CDK5RAP1: variants seen among roughly 807,000 people sequenced by gnomAD.
The protein encoded by CDK5RAP1 is mitochondrial tRNA methylthiotransferase CDK5RAP1.
A neutral mutation model predicts 64.5 loss-of-function variants in CDK5RAP1; 62 were observed. That is an observed-to-expected ratio of 0.96 (90% CI 0.78 to 1.19). The LOEUF (loss-of-function observed/expected upper bound fraction) is 1.19. Among genes scored for constraint, CDK5RAP1 ranks in the 50% most tolerant of loss-of-function variants. CDK5RAP1 has a pLI of 0.00. For synonymous variants in CDK5RAP1, 250 were observed against 261.9 expected, an observed-to-expected ratio of 0.95 and a Z score of 0.44; for missense variants, 657 against 735.0, an observed-to-expected ratio of 0.89 and a Z score of 1.23.
intron 1 of CDK5RAP1, among the ~76,000 whole-genome samples, chr20:33,399,556 C>T (rs1262006007): frequency 1.3e-5 from 2 of 152,254 alleles, no homozygotes; most frequent in Admixed American, 1.3e-4. Context: ...TCATTCATTT[C>T]TACACCTTCA....
chr20:33,359,004 G>A lies in CDK5RAP1; in HGVS notation c.*39C>T. Reference sequence around the variant, plus strand: ...GGCAATGTCTCCCCTTCCTGTTGGGGAGGATTGCCCAAGTCAGCTCTGAGG... The same window carrying A: ...GGCAATGTCTCCCCTTCCTGTTGGGAAGGATTGCCCAAGTCAGCTCTGAGG... On this transcript the variant is annotated 3_prime_UTR_variant, in exon 14 of 14. Transcript: ENST00000346416. The A allele has an allele frequency of 7.0e-7, 1 of 1,425,552 alleles. No individual in the cohort carries two copies. The highest frequency in any genetic ancestry group is 9.9e-7 in the Non-Finnish European group (1 of 1,011,810). 88.3% of individuals were successfully genotyped at this position (1,425,552 alleles called of 1,614,324 possible).
At chr20:33,365,150 C>T (rs1192566005) in intron 12 of CDK5RAP1, among the ~76,000 whole-genome samples, 1 of 152,178 alleles carries the variant, frequency 6.6e-6, no homozygotes, top group African/African-American at 2.4e-5. Flanking sequence ...CCAGCCTTGG[C>T]CTTCCAAAGT....
intron 11 of CDK5RAP1, 59 bp downstream of exon 11, chr20:33,370,440 A>T: frequency 6.3e-7 from 1 of 1,594,864 alleles, no homozygotes; most frequent in Non-Finnish European, 8.6e-7. Context: ...TGTTCTCTAC[A>T]GTCACCACCC....
intron 7 of CDK5RAP1, among the ~76,000 whole-genome samples, chr20:33,384,877 G>A (rs934488826): frequency 6.6e-6 from 1 of 152,148 alleles, no homozygotes; most frequent in Non-Finnish European, 1.5e-5. Context: ...ACTCCAGCTT[G>A]GGTGACAGAG....
intron 2 of CDK5RAP1, 114 bp downstream of exon 2, chr20:33,396,647 A>T (rs1988920697): frequency 2.5e-6 from 2 of 787,888 alleles, no homozygotes; most frequent in African/African-American, 3.5e-5. Flanking sequence ...TGATTCCCAC[A>T]GCCTTCCCAC....
rs1353644710 is a variant in CDK5RAP1, at chr20:33,397,044, GAC to G, written c.19_20del (p.Val7ProfsTer31). 2.5e-6 allele frequency: 4 copies of G among 1,612,498 alleles called. No individual in the cohort carries two copies. The South Asian group carries it at 3.3e-5, about 13-fold the overall frequency. On this transcript the variant is annotated frameshift_variant, in exon 2 of 14. Transcript: ENST00000346416. LOFTEE classifies it high-confidence loss of function. MHPLQC[V>X]LQVQRSLGWG... The stretch of plus-strand genomic sequence containing the variant: ...ACCCCAGAGACCTCTGCACTTGGAG[GAC>G]ACACTGTAAAGGGTGCATGGCACTA...
At chr20:33,363,702 A>T (rs1311935099) in intron 12 of CDK5RAP1, among the ~76,000 whole-genome samples, 1 of 152,132 alleles carries the variant, frequency 6.6e-6, no homozygotes, top group African/African-American at 2.4e-5. Context: ...GTCTGAGACC[A>T]ACCTGGGCAA....
At position 33,374,149 on chromosome 20, in the gene CDK5RAP1, C is replaced by T; in HGVS notation, c.1171G>A (p.Gly391Arg). 3 of 1,614,048 alleles carry T rather than the reference C, an allele frequency of 1.9e-6. No individual in the cohort carries two copies. The highest frequency in any genetic ancestry group is 2.5e-6 in the Non-Finnish European group (3 of 1,179,902). Residue 391 changes from glycine to arginine, a missense_variant, in exon 9 of 14, where the codon GGA becomes AGA. Transcript: ENST00000346416. ...CKQIHLPAQS[G>R]SSRVLEAMRR... Reference sequence around the variant, plus strand: ...ATGGCCTCCAACACACGGCTGCTTCCACTCTGGGCTGGCAGGTGGATCTGT... The same window carrying T: ...ATGGCCTCCAACACACGGCTGCTTCTACTCTGGGCTGGCAGGTGGATCTGT...
At chr20:33,394,144 C>T in intron 3 of CDK5RAP1, 78 bp from the exon 4 acceptor site, 2 of 976,004 alleles carry the variant, frequency 2.0e-6, no homozygotes, top group Non-Finnish European at 3.2e-6. Context: ...TGCCCTACAG[C>T]TCTTTATTAT....
At chr20:33,359,183 T>G (rs776837347) in intron 13 of CDK5RAP1, 60 bp from the exon 14 acceptor site, 4 of 1,270,628 alleles carry the variant, frequency 3.1e-6, no homozygotes, top group Non-Finnish European at 4.6e-6. Context: ...TGGGACTTCA[T>G]GTGGAGCCTC....
In CDK5RAP1 at chr20:33,399,162, C is replaced by CT. The variant is rs74514770; in HGVS notation, c.-20-2079dup. ...ATAGGAGATGAAGCCATACTATTTA[C>CT]TTTTTTTTTTTTTAATTTTCTGACT... On this transcript the variant is annotated intron_variant, in intron 1 of 13. Transcript: ENST00000346416. 3.2e-3 allele frequency among the ~76,000 whole-genome samples: 458 copies of CT among 144,416 alleles called. 9 individuals are homozygous for CT. In the East Asian group the frequency reaches 0.047, roughly 15 times the overall value. 94.7% of individuals were successfully genotyped at this position (144,416 alleles called of 152,430 possible).
At chr20:33,374,833 C>T (rs972968626) in intron 8 of CDK5RAP1, among the ~76,000 whole-genome samples, 14 of 151,496 alleles carry the variant, frequency 9.2e-5, no homozygotes, top group East Asian at 4.0e-4. Flanking sequence ...GGATTACAGG[C>T]GTGAGCCACC....
chr20:33,388,636 C>T (rs1026191433), intron 5 of CDK5RAP1, among the ~76,000 whole-genome samples: 4 of 149,900 alleles, frequency 2.7e-5, no homozygotes, highest in African/African-American at 9.8e-5. Flanking sequence ...TCCACTGTCT[C>T]CCTCTCCCTC....
chr20:33,385,556 A>G (rs1336548065), intron 7 of CDK5RAP1, 94 bp downstream of exon 7: 3 of 1,453,386 alleles, frequency 2.1e-6, no homozygotes, highest in South Asian at 1.3e-5. Flanking sequence ...CTAAACTTTA[A>G]TAAGTCAGAG....
At chr20:33,399,572 T>C (rs1447871934) in intron 1 of CDK5RAP1, among the ~76,000 whole-genome samples, 2 of 152,332 alleles carry the variant, frequency 1.3e-5, no homozygotes, top group South Asian at 4.1e-4. Flanking sequence ...CTTCACCATC[T>C]CCCATTGTGG....
intron 2 of CDK5RAP1, 22 bp from the exon 3 acceptor site, chr20:33,395,138 A>C (rs763215291): frequency 2.9e-6 from 4 of 1,402,460 alleles, no homozygotes; most frequent in Non-Finnish European, 4.0e-6. Flanking sequence ...GGTTGGGGGG[A>C]ATCCATGGTA....
intron 3 of CDK5RAP1, 99 bp from the exon 4 acceptor site, chr20:33,394,165 T>C (rs1246367258): frequency 5.2e-4 from 128 of 246,924 alleles, no homozygotes; most frequent in South Asian, 8.5e-4. Flanking sequence ...TTTTTTTTCC[T>C]TTTTTTTTTT....
chr20:33,388,311 A>C (rs934656845), intron 5 of CDK5RAP1, among the ~76,000 whole-genome samples: 1 of 152,122 alleles, frequency 6.6e-6, no homozygotes, highest in African/African-American at 2.4e-5. Flanking sequence ...TTATGTTATT[A>C]AAGTTATAAT....
At chr20:33,382,342 T>C (rs1357659990) in intron 7 of CDK5RAP1, among the ~76,000 whole-genome samples, 1 of 152,216 alleles carries the variant, frequency 6.6e-6, no homozygotes, top group Non-Finnish European at 1.5e-5. Flanking sequence ...AATGAGACAG[T>C]ATTTAGCAAT....
Sources: allele counts gnomAD v4.1 joint callset (sites outside exome capture counted in the v4.1 genomes callset), GRCh38; gene constraint gnomAD v4.1.1; transcripts MANE v1.5; gene names NCBI Gene and HGNC (gene_info 2026-07-23, HGNC 2026-07-21).